The following NTN4 variants were observed in gnomAD, a reference collection of about 807,000 sequenced individuals.
The protein encoded by NTN4 is netrin-4.
NTN4 carries 32 observed loss-of-function variants against 73.6 expected under a neutral mutation model. That is an observed-to-expected ratio of 0.44 (90% CI 0.33 to 0.58). The LOEUF is 0.58. Ranked by LOEUF, NTN4 falls within the 20% of genes least tolerant of loss-of-function variation. The pLI is 0.04. For missense variants in NTN4, 654 were observed against 798.3 expected, an observed-to-expected ratio of 0.82 and a Z score of 2.18; for synonymous variants, 258 against 287.5, an observed-to-expected ratio of 0.90 and a Z score of 1.04.
chr12:95,752,848 A>C (rs559581830), intron 2 of NTN4, among the ~76,000 whole-genome samples: 1 of 152,190 alleles, frequency 6.6e-6, no homozygotes, highest in African/African-American at 2.4e-5. Flanking sequence ...TAGAGGCCCT[A>C]AAAATCACAA....
At chr12:95,725,006 A>ATTTTTTTTT (rs1555217818) in intron 3 of NTN4, among the ~76,000 whole-genome samples, 3 of 135,848 alleles carry the variant, frequency 2.2e-5, no homozygotes, top group Non-Finnish European at 3.2e-5. Context: ...TGTCATCAGG[A>ATTTTTTTTT]TTTTTTTTTT....
Position 95,770,988 on chromosome 12 carries a change from A to ATTTTTTTTTTTTTTTTTTTTTTT in NTN4, c.585+15950_585+15951insAAAAAAAAAAAAAAAAAAAAAAA, listed in dbSNP as rs1460848065. ...GCAAGATGAACCATCCAGGAAAAGA[A>ATTTTTTTTTTTTTTTTTTTTTTT]TTTGTTTTTTTTTTTTTTTGAGACA... On this transcript the variant is annotated intron_variant, in intron 2 of 9. Coordinates refer to ENST00000343702, the MANE Select transcript of NTN4 (RefSeq NM_021229.4). 1.8e-3 allele frequency among the ~76,000 whole-genome samples: 106 copies of ATTTTTTTTTTTTTTTTTTTTTTT among 58,044 alleles called. 11 individuals are homozygous for ATTTTTTTTTTTTTTTTTTTTTTT. Among genetic ancestry groups the ATTTTTTTTTTTTTTTTTTTTTTT allele is most frequent in the Middle Eastern group, 0.011 (1 of 94 alleles). 38.1% of individuals were successfully genotyped at this position (58,044 alleles called of 152,430 possible).
chr12:95,668,907 C>T (rs930440008), intron 8 of NTN4, among the ~76,000 whole-genome samples: 3 of 152,222 alleles, frequency 2.0e-5, no homozygotes, highest in Non-Finnish European at 4.4e-5. Context: ...AGGCGGATCA[C>T]GAGGTCAGGA....
chr12:95,657,821 T>TTTA lies in NTN4; in HGVS notation c.*1262_*1264dup, dbSNP rs1390960306. The stretch of plus-strand genomic sequence containing the variant: ...TGAGACAAAAATCAGATCATATTCC[T>TTTA]TTATTACATATATGAAATATAAAAA... On this transcript the variant is annotated 3_prime_UTR_variant, in exon 10 of 10. Transcript: ENST00000343702. 1 of 152,334 alleles carries TTTA rather than the reference T, an allele frequency of 6.6e-6. No homozygotes were observed. The highest frequency in any genetic ancestry group is 1.5e-5 in the Non-Finnish European group (1 of 68,018). The allele number at this position is 152,334 out of a possible 1,614,324, so 9.4% of individuals were successfully genotyped here.
At chr12:95,768,033 C>T (rs1394099141) in intron 2 of NTN4, among the ~76,000 whole-genome samples, 1 of 152,182 alleles carries the variant, frequency 6.6e-6, no homozygotes, top group Admixed American at 6.5e-5. Context: ...CATAAAAGTG[C>T]TTGAAACCAT....
rs183606645 is a variant in NTN4, at chr12:95,738,669, C to T, written c.586-525G>A. ...AGGCAGAGAGGTGATATCTGATTTACCTTGCCTAAAAATATAACTCTCTCT... is the reference window on the plus strand; with the variant it reads ...AGGCAGAGAGGTGATATCTGATTTATCTTGCCTAAAAATATAACTCTCTCT... On this transcript the variant is annotated intron_variant, in intron 2 of 9. Transcript: ENST00000343702. Among the ~76,000 whole-genome samples, 9 of 152,278 alleles carry T rather than the reference C, an allele frequency of 5.9e-5. No homozygotes were observed. The East Asian group carries it at 1.7e-3, about 29-fold the overall frequency.
intron 7 of NTN4, among the ~76,000 whole-genome samples, chr12:95,671,784 T>C (rs781110490): frequency 1.2e-4 from 18 of 152,200 alleles, no homozygotes; most frequent in Non-Finnish European, 1.9e-4. Context: ...TTATCAACCT[T>C]ACATTTCTGG....
chr12:95,683,586 C>G lies in NTN4; in HGVS notation c.1306G>C (p.Val436Leu). Residue 436 changes from valine (V) to leucine (L), a missense_variant, in exon 6 of 10, where the codon GTG (valine) becomes CTG (leucine). Physicochemically the swap from Val to Leu is conservative, Grantham distance 32 (BLOSUM62 1). Coordinates refer to ENST00000343702, the MANE Select transcript of NTN4 (RefSeq NM_021229.4). ...VAGRRCDRCM[V>L]GYWGFGDYGC... ...TAGTCTCCGAAGCCCCAGTATCCCA[C>G]CATGCACCTGTCACAACGTCGCCCT... is the stretch of plus-strand genomic sequence containing the variant. 6.2e-7 allele frequency: 1 copy of G among 1,614,208 alleles called. No homozygotes were observed. The highest frequency in any genetic ancestry group is 1.1e-5 in the South Asian group (1 of 91,090).
At chr12:95,727,594 T>TTTTTGTTAA (rs1217562084) in intron 3 of NTN4, among the ~76,000 whole-genome samples, 5 of 152,204 alleles carry the variant, frequency 3.3e-5, no homozygotes, top group Admixed American at 6.5e-5. Context: ...TTTTGGTTAA[T>TTTTTGTTAA]TTTTGTTAAT....
At chr12:95,739,632 C>T (rs1459014614) in intron 2 of NTN4, among the ~76,000 whole-genome samples, 1 of 152,102 alleles carries the variant, frequency 6.6e-6, no homozygotes, top group Non-Finnish European at 1.5e-5. Flanking sequence ...ACAGGAAGAA[C>T]CCTTGCTCTA....
In NTN4 at chr12:95,690,005, C is replaced by T. The variant is rs12309688; in HGVS notation, c.1181-6294G>A. Among the ~76,000 whole-genome samples, 571 of 152,256 alleles carry T rather than the reference C, an allele frequency of 3.8e-3. 1 individual carries two copies. Among genetic ancestry groups the T allele is most frequent in the African/African-American group, 0.013 (548 of 41,532 alleles). Reference sequence around the variant, plus strand: ...TAACTCCTAGCTGAAATTTGTTTTACCTTTCTGAGCCCCACATTTCTATTT... The same window carrying T: ...TAACTCCTAGCTGAAATTTGTTTTATCTTTCTGAGCCCCACATTTCTATTT... On this transcript the variant is annotated intron_variant, in intron 5 of 9. Coordinates refer to ENST00000343702, the MANE Select transcript of NTN4 (RefSeq NM_021229.4).
intron 2 of NTN4, among the ~76,000 whole-genome samples, chr12:95,782,424 T>A (rs779923188): frequency 6.6e-6 from 1 of 151,842 alleles, no homozygotes; most frequent in African/African-American, 2.4e-5. Flanking sequence ...GCTTCCCGAG[T>A]AGCTGGGATT....
chr12:95,757,650 T>C (rs1184336598), intron 2 of NTN4, among the ~76,000 whole-genome samples: 2 of 147,784 alleles, frequency 1.4e-5, no homozygotes, highest in Non-Finnish European at 3.0e-5. Flanking sequence ...GGGCCATCTA[T>C]GGTTAGAGCT....
At chr12:95,694,577 A>G (rs2078426720) in intron 5 of NTN4, among the ~76,000 whole-genome samples, 1 of 152,242 alleles carries the variant, frequency 6.6e-6, no homozygotes, top group Non-Finnish European at 1.5e-5. Context: ...GTTAAATAGT[A>G]GAAAAAATGA....
At chr12:95,773,623 C>T (rs2079072589) in intron 2 of NTN4, among the ~76,000 whole-genome samples, 1 of 151,960 alleles carries the variant, frequency 6.6e-6, no homozygotes, top group South Asian at 2.1e-4. Flanking sequence ...GTCCACAACT[C>T]ACCTCTACTT....
At chr12:95,751,604 T>A (rs2121217823) in intron 2 of NTN4, among the ~76,000 whole-genome samples, 1 of 152,148 alleles carries the variant, frequency 6.6e-6, no homozygotes, top group East Asian at 1.9e-4. Context: ...GGCCCAAGGC[T>A]CTCTGACTGA....
chr12:95,786,360 T>C (rs1343355091), intron 2 of NTN4, among the ~76,000 whole-genome samples: 1 of 152,204 alleles, frequency 6.6e-6, no homozygotes, highest in African/African-American at 2.4e-5. Context: ...ATTGGATCAG[T>C]AGCTAATGAG....
intron 2 of NTN4, among the ~76,000 whole-genome samples, chr12:95,778,569 G>T (rs2079110740): frequency 6.6e-6 from 1 of 152,168 alleles, no homozygotes; most frequent in South Asian, 2.1e-4. Context: ...TAGAAGAAGT[G>T]GATAAATTCC....
rs1445252426 is a variant in NTN4 at position 95,781,497 on chromosome 12, A to G, written c.585+5442T>C. ...GGGCGAGCATCAGGAAGAATAGCTA[A>G]TGGATGCTGGGCTTAATACCTGGGC... On this transcript the variant is annotated intron_variant, in intron 2 of 9. Transcript: ENST00000343702. The surrounding 1 kb of genome is among the most constrained non-coding windows in gnomAD (Gnocchi z 4.1). Among the ~76,000 whole-genome samples the G allele has an allele frequency of 6.6e-6, 1 of 152,100 alleles. No homozygotes were observed.
Sources: allele counts gnomAD v4.1 joint callset (sites outside exome capture counted in the v4.1 genomes callset), GRCh38; gene constraint gnomAD v4.1.1; non-coding constraint Gnocchi (gnomAD v3.1); transcripts MANE v1.5; gene names NCBI Gene and HGNC (gene_info 2026-07-23, HGNC 2026-07-21).